FANCD2OS: variants seen among roughly 807,000 people sequenced by gnomAD.
The protein encoded by FANCD2OS is FANCD2 opposite strand, also known as FANCD2 opposite strand protein.
Under a neutral mutation model 13.2 loss-of-function variants are expected in FANCD2OS, and 11 were observed. The ratio of observed to expected loss-of-function variants is 0.83; its 90% CI spans 0.52 to 1.38. The LOEUF is 1.38. FANCD2OS is among the 40% of genes most tolerant of loss of function. FANCD2OS has a pLI of 0.00. For missense variants in FANCD2OS, 217 were observed against 213.9 expected (o/e 1.01, Z -0.09); for synonymous variants, 69 against 84.5 (o/e 0.82, Z 1.01).
rs749268265 is a variant in FANCD2OS at position 10,104,686 on chromosome 3, T to C, written c.89A>G (p.Lys30Arg). 31 of 1,613,894 alleles carry C rather than the reference T, an allele frequency of 1.9e-5. 1 individual carries two copies. In the South Asian group the frequency reaches 3.3e-4, roughly 17 times the overall value. Residue 30 changes from lysine to arginine, a missense_variant, in exon 2 of 2, where the codon AAG becomes AGG. Physicochemically the swap from Lys to Arg is conservative, Grantham distance 26 (BLOSUM62 2). Transcript: ENST00000450660. The part of the protein sequence containing the change: ...LRHTTPTPSS[K>R]HPFKASPCFP... ...GCAGGGGGAGGCCTTGAATGGGTGC[T>C]TGGAGGAAGGTGTAGGTGTCGTGTG...
At chr3:10,092,246 G>T in intron 2 of FANCD2OS, 1 of 1,611,072 alleles carries the variant, frequency 6.2e-7, no homozygotes, top group South Asian at 1.1e-5. Flanking sequence ...TCATCAACTT[G>T]ATAAAGGTGA....
chr3:10,105,178 A>T (rs1360933619), intron 1 of FANCD2OS, among the ~76,000 whole-genome samples: 1 of 152,090 alleles, frequency 6.6e-6, no homozygotes, highest in Non-Finnish European at 1.5e-5. Flanking sequence ...TAATAAAGGG[A>T]AGTAGGGAAT....
intron 1 of FANCD2OS, among the ~76,000 whole-genome samples, chr3:10,107,740 G>C (rs1695541979): frequency 6.6e-6 from 1 of 151,990 alleles, no homozygotes; most frequent in Non-Finnish European, 1.5e-5. Context: ...TTGAGGTCAG[G>C]AGTCAGCCTA....
intron 2 of FANCD2OS, among the ~76,000 whole-genome samples, chr3:10,096,830 T>C (rs1694995604): frequency 6.6e-6 from 1 of 152,230 alleles, no homozygotes; most frequent in Admixed American, 6.5e-5. Context: ...TTTCTTTTGT[T>C]ATTTTTTTTC....
At chr3:10,097,363 C>T (rs935439142) in intron 2 of FANCD2OS, among the ~76,000 whole-genome samples, 1 of 152,144 alleles carries the variant, frequency 6.6e-6, no homozygotes, top group African/African-American at 2.4e-5. Context: ...GTTTATTTCA[C>T]CTCTGCAGTC....
intron 2 of FANCD2OS, among the ~76,000 whole-genome samples, chr3:10,082,956 G>A (rs748786895): frequency 1.1e-4 from 16 of 152,188 alleles, no homozygotes; most frequent in East Asian, 1.9e-4. Flanking sequence ...GCCTGACATC[G>A]TGGCTTATGC....
chr3:10,094,278 C>T (rs1694822551), intron 2 of FANCD2OS: 1 of 1,612,542 alleles, frequency 6.2e-7, no homozygotes. Flanking sequence ...CAGTGTGTCT[C>T]TCTTCTTCAG....
Position 10,089,023 on chromosome 3 carries a change from C to A in FANCD2OS, c.*44-7492G>T. ...TCAGGCTGGGCACGGTGGCACACAC[C>A]TGTAATCCCAGCACTTTGGGAGGCT... On this transcript the variant is annotated intron_variant, in intron 2 of 2. Transcript: ENST00000524279. 1.9e-6 allele frequency: 3 copies of A among 1,548,486 alleles called. No individual in the cohort carries two copies. The South Asian group carries it at 3.4e-5, about 17-fold the overall frequency.
chr3:10,086,317 T>TG (rs1202783207), intron 2 of FANCD2OS, among the ~76,000 whole-genome samples: 1 of 152,132 alleles, frequency 6.6e-6, no homozygotes, highest in Admixed American at 6.6e-5. Context: ...CTTATGTGGC[T>TG]GAGGGGTAGG....
chr3:10,098,890 AACTTTGCCT>A (rs774492211), downstream of FANCD2OS: 1 of 1,614,206 alleles, frequency 6.2e-7, no homozygotes, highest in Non-Finnish European at 8.5e-7. Flanking sequence ...GGTGGAGCAG[AACTTTGCCT>A]ACTTATGTTT....
At chr3:10,099,052 G>T, downstream of FANCD2OS, 1 of 1,592,190 alleles carries the variant, frequency 6.3e-7, no homozygotes, top group Non-Finnish European at 8.5e-7. Context: ...TTATAGAGTT[G>T]ACAATTTTCT....
intron 2 of FANCD2OS, among the ~76,000 whole-genome samples, chr3:10,082,058 A>T (rs1693873713): frequency 6.6e-6 from 1 of 152,218 alleles, no homozygotes; most frequent in Non-Finnish European, 1.5e-5. Context: ...TTTATATCCA[A>T]CTGCCTACGC....
intron 2 of FANCD2OS, chr3:10,088,593 C>T: frequency 7.6e-7 from 1 of 1,322,210 alleles, no homozygotes; most frequent in Non-Finnish European, 1.1e-6. Flanking sequence ...TTCTATTTTG[C>T]TACTGTTGTT....
At chr3:10,091,794 T>C (rs34632086) in intron 2 of FANCD2OS, among the ~76,000 whole-genome samples, 31,582 of 152,024 alleles carry the variant, frequency 0.21, 3,983 homozygotes, top group African/African-American at 0.35. Context: ...ACCCAAGACA[T>C]AGAAGAATCA....
At chr3:10,102,842 C>CAAAA, downstream of FANCD2OS, 1 of 62,526 alleles carries the variant, frequency 1.6e-5, no homozygotes. Context: ...GACTCCGTCT[C>CAAAA]AAAAAAAAAA....
In FANCD2OS at chr3:10,104,583, C is replaced by T; in HGVS notation, c.192G>A (p.Leu64=). ...EVTLVLDSPF[L]ESGVSPKLPC... is the part of the protein sequence containing the mutation. ...GTAACTTGGGACTCACTCCAGATTC[C>T]AGGAATGGGCTGTCTAGGACTAGAG... is the stretch of plus-strand genomic sequence containing the variant. The change falls in exon 2 of 2, where the codon CTG becomes CTA. Residue 64 remains leucine, a synonymous_variant. Coordinates refer to ENST00000450660, the MANE Select transcript of FANCD2OS (RefSeq NM_001164839.2). 1 of 1,614,184 alleles carries T rather than the reference C, an allele frequency of 6.2e-7. No individual in the cohort carries two copies. Among genetic ancestry groups the T allele is most frequent in the Non-Finnish European group, 8.5e-7 (1 of 1,180,038 alleles).
chr3:10,082,915 C>A, intron 2 of FANCD2OS, among the ~76,000 whole-genome samples: 1 of 152,128 alleles, frequency 6.6e-6, no homozygotes. Flanking sequence ...ATCAAAGAGA[C>A]TTATAGATGG....
chr3:10,101,194 G>A (rs1695278220), downstream of FANCD2OS: 9 of 1,612,472 alleles, frequency 5.6e-6, no homozygotes, highest in Non-Finnish European at 7.6e-6. Flanking sequence ...TTAGGATGGT[G>A]AAGAAGACGA....
chr3:10,095,329 T>C, intron 2 of FANCD2OS: 1 of 1,390,794 alleles, frequency 7.2e-7, no homozygotes, highest in Admixed American at 1.7e-5. Flanking sequence ...AATCTGCAGT[T>C]GCTATTGGGG....
Sources: gnomAD v4.1 joint callset for allele counts (sites outside exome capture counted in the v4.1 genomes callset) on GRCh38, gnomAD v4.1.1 for gene constraint, MANE v1.5 for transcripts, NCBI Gene and HGNC (gene_info 2026-07-23, HGNC 2026-07-21) for gene names.